Variants in BCL7C observed in about 807,000 individuals in gnomAD.
BCL7C encodes B-cell CLL/lymphoma 7 protein family member C.
Under a neutral mutation model 26.2 loss-of-function variants are expected in BCL7C, and 8 were observed. The observed-to-expected ratio is 0.30, with a 90% CI of 0.18 to 0.55. BCL7C has a LOEUF of 0.55. Ranked by LOEUF, BCL7C falls within the 20% of genes least tolerant of loss-of-function variation. The probability of loss-of-function intolerance (pLI) is 0.93; values close to 1 mark genes in which losing one functional copy is unlikely to be tolerated. For synonymous variants in BCL7C, 90 were observed against 116.5 expected (o/e 0.77, Z 1.47); for missense variants, 262 against 298.5 (o/e 0.88, Z 0.90).
intron 5 of BCL7C, among the ~76,000 whole-genome samples, chr16:30,864,487 A>C (rs1446405151): frequency 6.6e-6 from 1 of 152,066 alleles, no homozygotes; most frequent in Admixed American, 6.6e-5. Context: ...CCCTTACCCC[A>C]AAATCTTTCT....
At chr16:30,835,152 T>C in intron 5 of BCL7C, 1 of 1,478,050 alleles carries the variant, frequency 6.8e-7, no homozygotes, top group Non-Finnish European at 9.0e-7. Context: ...CCGAATCCTG[T>C]ACGGAGAAAA....
intron 5 of BCL7C, among the ~76,000 whole-genome samples, chr16:30,868,855 CA>C (rs913478472): frequency 9.5e-5 from 14 of 146,688 alleles, no homozygotes; most frequent in Admixed American, 1.4e-4. Flanking sequence ...AATACAACAG[CA>C]AAAAAAAAAG....
chr16:30,858,481 T>C (rs2054743192), intron 5 of BCL7C, among the ~76,000 whole-genome samples: 1 of 152,142 alleles, frequency 6.6e-6, no homozygotes, highest in African/African-American at 2.4e-5. Context: ...AACGCCAGTG[T>C]GCTCCACCAG....
chr16:30,865,966 G>A (rs1016558397), intron 5 of BCL7C, among the ~76,000 whole-genome samples: 8 of 150,092 alleles, frequency 5.3e-5, no homozygotes, highest in East Asian at 3.9e-4. Context: ...AACTCCTGAC[G>A]TCAGGAGATC....
rs111817282 is a variant in BCL7C at position 30,866,492 on chromosome 16, G to A, written c.528+22368C>T. Among the ~76,000 whole-genome samples, 315 of 151,098 alleles carry A rather than the reference G, an allele frequency of 2.1e-3. 1 individual carries two copies. Among genetic ancestry groups the A allele is most frequent in the African/African-American group, 6.3e-3 (258 of 41,114 alleles). ...CTCAGGGGGCTGAGGCATGACAATCGCCTGAACCTGGGTGGCAGAGGTTGC... is the reference window on the plus strand; with the variant it reads ...CTCAGGGGGCTGAGGCATGACAATCACCTGAACCTGGGTGGCAGAGGTTGC... On this transcript the variant is annotated intron_variant, in intron 5 of 5. Transcript: ENST00000380317.
chr16:30,884,762 G>A (rs557532979), downstream of BCL7C, among the ~76,000 whole-genome samples: 3 of 152,234 alleles, frequency 2.0e-5, no homozygotes, highest in Admixed American at 2.0e-4. Context: ...CTCCCAAAGT[G>A]CTGGGATTAC....
intron 5 of BCL7C, among the ~76,000 whole-genome samples, chr16:30,877,661 G>C (rs1485501026): frequency 6.7e-6 from 1 of 149,414 alleles, no homozygotes; most frequent in East Asian, 2.0e-4. Context: ...GGATGGTCTC[G>C]ATCTCCTGAC....
intron 5 of BCL7C, among the ~76,000 whole-genome samples, chr16:30,842,491 A>C (rs2054608437): frequency 6.6e-6 from 1 of 152,230 alleles, no homozygotes; most frequent in Admixed American, 6.5e-5. Flanking sequence ...AATAAGGAAT[A>C]ATTAAAGAAA....
At chr16:30,892,410 G>T (rs2055260419) in intron 4 of BCL7C, among the ~76,000 whole-genome samples, 176 bp downstream of exon 4, 1 of 151,014 alleles carries the variant, frequency 6.6e-6, no homozygotes, top group South Asian at 2.1e-4. Context: ...TGTCTGTATA[G>T]ATTCTAAGAG....
intron 4 of BCL7C, among the ~76,000 whole-genome samples, chr16:30,889,604 C>T (rs2055193409): frequency 6.6e-6 from 1 of 152,108 alleles, no homozygotes. Flanking sequence ...ATTCTCCTGC[C>T]TCAGCCTCCC....
chr16:30,877,602 G>A (rs1481385074), intron 5 of BCL7C, among the ~76,000 whole-genome samples: 6 of 151,812 alleles, frequency 4.0e-5, no homozygotes, highest in African/African-American at 1.5e-4. Context: ...ACCGCGCCCA[G>A]CTAATTTGTT....
intron 5 of BCL7C, among the ~76,000 whole-genome samples, chr16:30,850,910 T>C (rs1203734916): frequency 1.3e-5 from 2 of 152,254 alleles, no homozygotes; most frequent in Non-Finnish European, 2.9e-5. Flanking sequence ...AATAAATTAA[T>C]TTTAGCTAAG....
At chr16:30,883,680 C>A (rs907246556), downstream of BCL7C, among the ~76,000 whole-genome samples, 5 of 147,108 alleles carry the variant, frequency 3.4e-5, no homozygotes, top group Admixed American at 2.1e-4. Flanking sequence ...CCATGGCTGG[C>A]TAATTTTTGT....
chr16:30,840,796 G>C (rs962364773), intron 5 of BCL7C: 1 of 152,136 alleles, frequency 6.6e-6, no homozygotes, highest in African/African-American at 2.4e-5. Context: ...AAGAAGTGCT[G>C]AGCAAAGTTG....
chr16:30,869,092 G>A (rs954032541), intron 5 of BCL7C, among the ~76,000 whole-genome samples: 9 of 151,982 alleles, frequency 5.9e-5, no homozygotes, highest in African/African-American at 1.9e-4. Context: ...CGACAGTTAT[G>A]GGAAAGACAA....
At chr16:30,864,207 G>T (rs1230414647) in intron 5 of BCL7C, among the ~76,000 whole-genome samples, 2 of 151,980 alleles carry the variant, frequency 1.3e-5, no homozygotes, top group Non-Finnish European at 2.9e-5. Flanking sequence ...AAATCAATCT[G>T]GCCTGGTATA....
At chr16:30,881,775 C>T (rs2055047355) in intron 5 of BCL7C, among the ~76,000 whole-genome samples, 1 of 152,150 alleles carries the variant, frequency 6.6e-6, no homozygotes, top group African/African-American at 2.4e-5. Flanking sequence ...GGCTCTCTCC[C>T]TCACCTCCTT....
chr16:30,888,587 C>G (rs926677600), intron 5 of BCL7C: 54 of 257,546 alleles, frequency 2.1e-4, no homozygotes, highest in Admixed American at 2.1e-4. Context: ...CACCCGCCTC[C>G]GCCTCCCAAA....
Position 30,873,938 on chromosome 16 carries a change from T to C in BCL7C, c.528+14922A>G, listed in dbSNP as rs548464888. ...TTCCTCCTCTCTCTATATACATATA[T>C]ATATAGATATATGTATACACACACA... On this transcript the variant is annotated intron_variant, in intron 5 of 5. Transcript: ENST00000380317. Among the ~76,000 whole-genome samples the C allele has an allele frequency of 1.3e-3, 106 of 81,744 alleles. 5 individuals are homozygous for C. The highest frequency in any genetic ancestry group is 4.4e-3 in the African/African-American group (99 of 22,642). 53.6% of individuals were successfully genotyped at this position (81,744 alleles called of 152,430 possible). A position where few individuals can be genotyped will look rare whatever the true frequency, so the allele number is the denominator to read the frequency against.
Sources: gnomAD v4.1 joint callset for allele counts (sites outside exome capture counted in the v4.1 genomes callset) on GRCh38, gnomAD v4.1.1 for gene constraint, MANE v1.5 for transcripts, NCBI Gene and HGNC (gene_info 2026-07-23, HGNC 2026-07-21) for gene names.